Variants in MAP2K4 observed in about 807,000 individuals in gnomAD.
MAP2K4 encodes mitogen-activated protein kinase kinase 4.
In MAP2K4, 4 loss-of-function variants were observed where a neutral mutation model predicts 48.5. That is an observed-to-expected ratio of 0.08 (90% confidence interval 0.04 to 0.19). The LOEUF (loss-of-function observed/expected upper bound fraction) is 0.19. MAP2K4 is among the 10% of genes least tolerant of loss of function. The probability of loss-of-function intolerance (pLI) is 1.00; values close to 1 mark genes in which losing one functional copy is unlikely to be tolerated. For missense variants in MAP2K4, 258 were observed against 493.3 expected (o/e 0.52, Z 4.52); for synonymous variants, 166 against 173.1 (o/e 0.96, Z 0.32).
At chr17:12,034,548 C>T (rs1969534602) in intron 1 of MAP2K4, among the ~76,000 whole-genome samples, 1 of 152,188 alleles carries the variant, frequency 6.6e-6, no homozygotes, top group Non-Finnish European at 1.5e-5. Context: ...TATTTATATA[C>T]ATTCACGAAA....
At chr17:12,082,774 T>C (rs951496608) in intron 3 of MAP2K4, among the ~76,000 whole-genome samples, 1 of 152,234 alleles carries the variant, frequency 6.6e-6, no homozygotes, top group Non-Finnish European at 1.5e-5. Context: ...TATAGACTTT[T>C]CATAGGCAGG....
rs16945560 is a variant in MAP2K4, at chr17:12,106,568, A to G, written c.514-1222A>G. 8.6e-3 allele frequency among the ~76,000 whole-genome samples: 1,315 copies of G among 152,168 alleles called. 24 individuals carry two copies. Among genetic ancestry groups the G allele is most frequent in the African/African-American group, 0.03 (1,244 of 41,518 alleles). ...TACTTTTAACAGGCATTAATCTCCTATATAATCCAAGGATAGGATTGATTA... is the reference window on the plus strand; with the variant it reads ...TACTTTTAACAGGCATTAATCTCCTGTATAATCCAAGGATAGGATTGATTA... On this transcript the variant is annotated intron_variant, in intron 4 of 10. Coordinates refer to ENST00000353533, the MANE Select transcript of MAP2K4 (RefSeq NM_003010.4).
At chr17:12,023,919 G>A (rs1969173805) in intron 1 of MAP2K4, among the ~76,000 whole-genome samples, 1 of 152,160 alleles carries the variant, frequency 6.6e-6, no homozygotes, top group South Asian at 2.1e-4. Context: ...TAGTAAGGAT[G>A]CAATACACAT....
intron 4 of MAP2K4, 30 bp downstream of exon 4, chr17:12,095,724 A>G: frequency 6.2e-7 from 1 of 1,606,778 alleles, no homozygotes. Context: ...TAGCTGACTA[A>G]TGAATATCTA....
intron 1 of MAP2K4, among the ~76,000 whole-genome samples, chr17:12,051,450 G>A (rs560082939): frequency 2.6e-5 from 4 of 152,250 alleles, no homozygotes; most frequent in Non-Finnish European, 4.4e-5. Context: ...GCAGGAAACC[G>A]CTTCTGTATA....
At chr17:12,037,196 AAGG>A (rs1969629324) in intron 1 of MAP2K4, among the ~76,000 whole-genome samples, 1 of 152,126 alleles carries the variant, frequency 6.6e-6, no homozygotes, top group Non-Finnish European at 1.5e-5. Context: ...GGAGGAAAAA[AAGG>A]AGGCATCCTG....
chr17:12,113,155 A>T, intron 6 of MAP2K4, 78 bp from the exon 7 acceptor site: 1 of 1,406,722 alleles, frequency 7.1e-7, no homozygotes, highest in Admixed American at 1.9e-5. Flanking sequence ...AGGTTTTTCA[A>T]TATTTTTGCT....
intron 1 of MAP2K4, among the ~76,000 whole-genome samples, chr17:12,042,904 G>A (rs570074916): frequency 1.3e-5 from 2 of 151,996 alleles, no homozygotes; most frequent in African/African-American, 2.4e-5. Flanking sequence ...AAAATTAGCC[G>A]GGCGTAGTGG....
intron 1 of MAP2K4, among the ~76,000 whole-genome samples, chr17:12,033,618 A>G (rs1249600999): frequency 1.3e-5 from 2 of 152,200 alleles, no homozygotes; most frequent in African/African-American, 4.8e-5. Flanking sequence ...GCTCATAGTG[A>G]ACCTTTATAT....
chr17:12,092,494 C>G (rs1346916238), intron 3 of MAP2K4, among the ~76,000 whole-genome samples: 2 of 152,154 alleles, frequency 1.3e-5, no homozygotes, highest in Non-Finnish European at 2.9e-5. Flanking sequence ...ATTAGAAAAA[C>G]TTTCTTGGTA....
rs374036266 is a variant in MAP2K4 at position 12,141,133 on chromosome 17, C to T, written c.1087-14C>T. 226 of 1,565,426 alleles carry T rather than the reference C, an allele frequency of 1.4e-4. No individual in the cohort carries two copies. Among genetic ancestry groups the T allele is most frequent in the Non-Finnish European group, 1.8e-4 (209 of 1,136,512 alleles). ...TACAAACTTTTGACTTTTTTGTTTT[C>T]AATTTTCTTGCAGAAACATCCCTTT... On this transcript the variant is annotated splice_polypyrimidine_tract_variant and intron_variant, in intron 10 of 10. Coordinates refer to ENST00000353533, the MANE Select transcript of MAP2K4 (RefSeq NM_003010.4).
intron 2 of MAP2K4, among the ~76,000 whole-genome samples, chr17:12,067,700 A>G (rs1279643088): frequency 6.6e-6 from 1 of 152,214 alleles, no homozygotes; most frequent in East Asian, 1.9e-4. Flanking sequence ...TTTGGGAGCA[A>G]GTCATAGTTG....
In MAP2K4 at chr17:12,081,314, C is replaced by T. The variant is rs570988039; in HGVS notation, c.219-42C>T. On this transcript the variant is annotated intron_variant, in intron 2 of 10. Coordinates refer to ENST00000353533, the MANE Select transcript of MAP2K4 (RefSeq NM_003010.4). The surrounding 1 kb of genome is among the most constrained non-coding windows in gnomAD (Gnocchi z 4.2). ...AGTACTAAAAGAAAAAAGTTAAAACCTATTTAAAATGTGGAAAAATTGCTT... is the reference window on the plus strand; with the variant it reads ...AGTACTAAAAGAAAAAAGTTAAAACTTATTTAAAATGTGGAAAAATTGCTT... 8.6e-6 allele frequency: 13 copies of T among 1,517,024 alleles called. No homozygotes were observed. In the Admixed American group the frequency reaches 2.0e-4, roughly 24 times the overall value. 94.0% of individuals were successfully genotyped at this position (1,517,024 alleles called of 1,614,324 possible). A position where few individuals can be genotyped will look rare whatever the true frequency, so the allele number is the denominator to read the frequency against.
At chr17:12,066,972 C>T (rs923473022) in intron 2 of MAP2K4, among the ~76,000 whole-genome samples, 14 of 152,142 alleles carry the variant, frequency 9.2e-5, no homozygotes, top group South Asian at 2.1e-4. Flanking sequence ...CCACCGCGCC[C>T]GGCCCACATG....
chr17:12,108,951 C>G (rs1008258592), intron 5 of MAP2K4, among the ~76,000 whole-genome samples: 1 of 151,600 alleles, frequency 6.6e-6, no homozygotes, highest in African/African-American at 2.4e-5. Flanking sequence ...ATATTAAACC[C>G]GTGTTATCTT....
Position 12,081,491 on chromosome 17 carries a change from A to C in MAP2K4, c.354A>C (p.Lys118Asn), listed in dbSNP as rs1290755523. ...GAGGAGCTTATGGTTCTGTCAACAA[A>C]ATGGTCCACAAACCAAGTGGGCAAA... The part of the protein sequence containing the change: ...IGRGAYGSVN[K>N]MVHKPSGQIM... Residue 118 changes from lysine (K) to asparagine (N), a missense_variant, in exon 3 of 11, where the codon AAA becomes AAC. Coordinates refer to ENST00000353533, the MANE Select transcript of MAP2K4 (RefSeq NM_003010.4). This position sits in a 1 kb window ranked among gnomAD's most constrained non-coding sequence, Gnocchi z 4.2. 2.5e-6 allele frequency: 4 copies of C among 1,614,058 alleles called. No homozygotes were observed. The highest frequency in any genetic ancestry group is 3.4e-6 in the Non-Finnish European group (4 of 1,180,042).
intron 7 of MAP2K4, chr17:12,115,532 A>G: frequency 2.0e-6 from 1 of 509,106 alleles, no homozygotes; most frequent in African/African-American, 6.7e-5. Flanking sequence ...GGTAGAGGTG[A>G]CGGGCCGGAG....
At chr17:12,103,237 G>A (rs1274716391) in intron 4 of MAP2K4, among the ~76,000 whole-genome samples, 3 of 149,912 alleles carry the variant, frequency 2.0e-5, no homozygotes, top group Non-Finnish European at 4.4e-5. Context: ...TTTGGAGGTG[G>A]GGTCTCACTT....
chr17:12,043,121 A>G (rs966094102), intron 1 of MAP2K4, among the ~76,000 whole-genome samples: 2 of 152,182 alleles, frequency 1.3e-5, no homozygotes, highest in African/African-American at 4.8e-5. Context: ...ATAATCCTTG[A>G]TAATATTTTC....
Sources: allele counts gnomAD v4.1 joint callset (sites outside exome capture counted in the v4.1 genomes callset), GRCh38; gene constraint gnomAD v4.1.1; non-coding constraint Gnocchi (gnomAD v3.1); transcripts MANE v1.5; gene names NCBI Gene and HGNC (gene_info 2026-07-23, HGNC 2026-07-21).